AKAP6: variants seen among roughly 807,000 people sequenced by gnomAD.
The protein encoded by AKAP6 is A-kinase anchoring protein 6.
AKAP6 carries 58 observed loss-of-function variants against 188.5 expected under a neutral mutation model. The observed-to-expected ratio is 0.31, with a 90% CI of 0.25 to 0.38. The LOEUF is 0.38. Among genes scored for constraint, AKAP6 ranks in the 10% least tolerant of loss-of-function variants. The probability of loss-of-function intolerance (pLI) is 1.00; values close to 1 mark genes in which losing one functional copy is unlikely to be tolerated. For synonymous variants in AKAP6, 989 were observed against 998.6 expected (o/e 0.99, Z 0.18); for missense variants, 2,710 against 2,740.0 (o/e 0.99, Z 0.24).
At chr14:32,751,643 C>T (rs190214107) in intron 11 of AKAP6, among the ~76,000 whole-genome samples, 5 of 151,268 alleles carry the variant, frequency 3.3e-5, no homozygotes, top group East Asian at 3.9e-4. Flanking sequence ...TCCTGCTCTG[C>T]GCATATTGAA....
intron 1 of AKAP6, among the ~76,000 whole-genome samples, chr14:32,350,835 CAGAGGATGGTAGGATGAGAAGT>C (rs1217337666): frequency 6.6e-6 from 1 of 152,026 alleles, no homozygotes; most frequent in African/African-American, 2.4e-5. Context: ...TTTTAAAAAT[CAGAGGATGGTAGGATGAGAAGT>C]AGAACTTCTC....
At chr14:32,476,314 G>C (rs1479254481) in intron 2 of AKAP6, among the ~76,000 whole-genome samples, 2 of 152,152 alleles carry the variant, frequency 1.3e-5, no homozygotes, top group Non-Finnish European at 2.9e-5. Context: ...AGGCAAGGAG[G>C]ATGGATCTAT....
intron 1 of AKAP6, among the ~76,000 whole-genome samples, chr14:32,370,218 A>G (rs891071383): frequency 5.3e-5 from 8 of 152,234 alleles, no homozygotes; most frequent in African/African-American, 1.9e-4. Context: ...GACTGTCCAC[A>G]AATTAGCACA....
chr14:32,411,827 T>A (rs1393160839), intron 1 of AKAP6, among the ~76,000 whole-genome samples: 1 of 152,030 alleles, frequency 6.6e-6, no homozygotes, highest in African/African-American at 2.4e-5. Context: ...AGTGATATTT[T>A]TATGGGTTTT....
intron 1 of AKAP6, among the ~76,000 whole-genome samples, chr14:32,370,755 A>C (rs144083971): frequency 1.3e-5 from 2 of 152,322 alleles, no homozygotes; most frequent in African/African-American, 4.8e-5. Context: ...AAAAATGAGA[A>C]AATGATTAAA....
chr14:32,769,295 G>T (rs2032824281), intron 11 of AKAP6, among the ~76,000 whole-genome samples: 1 of 151,764 alleles, frequency 6.6e-6, no homozygotes, highest in Non-Finnish European at 1.5e-5. Context: ...TGATCCGCCT[G>T]CCTCCTCCTC....
intron 11 of AKAP6, among the ~76,000 whole-genome samples, chr14:32,743,538 G>GTT (rs1222028980): frequency 8.6e-5 from 13 of 151,982 alleles, no homozygotes; most frequent in East Asian, 5.8e-4. Flanking sequence ...ATCCATTTGT[G>GTT]TGTTTTTTGG....
rs75583802 is a variant in AKAP6 at position 32,503,811 on chromosome 14, G to A, written c.325-31743G>A. ...ATATATTTTAATATTTGCTAGACTA[G>A]GTTGCCCTTATTGCCCTTTTTTCAG... On this transcript the variant is annotated intron_variant, in intron 2 of 13. Transcript: ENST00000280979. Among the ~76,000 whole-genome samples, 122 of 151,902 alleles carry A rather than the reference G, an allele frequency of 8.0e-4. 3 individuals are homozygous for A. In the East Asian group the frequency reaches 0.022, roughly 27 times the overall value.
intron 1 of AKAP6, among the ~76,000 whole-genome samples, chr14:32,360,683 T>C (rs1887626169): frequency 6.6e-6 from 1 of 151,508 alleles, no homozygotes; most frequent in African/African-American, 2.4e-5. Flanking sequence ...TTTAATACAT[T>C]GCCCAGATTG....
rs1884312652 is a variant in AKAP6 at position 32,568,603 on chromosome 14, G to T, written c.2347-8517G>T. ...TATCCAGTGTCTTGGAGGATTGGGG[G>T]TGCTTGAAGCAAGGTCTCACCTAGA... On this transcript the variant is annotated intron_variant, in intron 4 of 13. Transcript: ENST00000280979. This position sits in a 1 kb window ranked among gnomAD's most constrained non-coding sequence, Gnocchi z 6.2. Among the ~76,000 whole-genome samples, 1 of 152,126 alleles carries T rather than the reference G, an allele frequency of 6.6e-6. No homozygotes were observed. Among genetic ancestry groups the T allele is most frequent in the Non-Finnish European group, 1.5e-5 (1 of 68,030 alleles).
In AKAP6 at chr14:32,452,108, A is replaced by T. The variant is rs562577390; in HGVS notation, c.324+18291A>T. Among the ~76,000 whole-genome samples, 20 of 128,864 alleles carry T rather than the reference A, an allele frequency of 1.6e-4. No individual in the cohort carries two copies. The Admixed American group carries it at 1.7e-3, about 11-fold the overall frequency. The allele number at this position is 128,864 out of a possible 152,430, so 84.5% of individuals were successfully genotyped here. A position where few individuals can be genotyped will look rare whatever the true frequency, so the allele number is the denominator to read the frequency against. On this transcript the variant is annotated intron_variant, in intron 2 of 13. Transcript: ENST00000280979. ...GCAATCACGGCTCACTGCAGCCTTC[A>T]CCTCTGGGGCTCCAGCAATCCTCCC... is the stretch of plus-strand genomic sequence containing the variant.
chr14:32,367,428 C>T (rs1283218796), intron 1 of AKAP6, among the ~76,000 whole-genome samples: 2 of 152,164 alleles, frequency 1.3e-5, no homozygotes, highest in Non-Finnish European at 2.9e-5. Context: ...AGTTTGTGAA[C>T]ATTAGCATTA....
chr14:32,533,817 C>T (rs955414044), intron 2 of AKAP6, among the ~76,000 whole-genome samples: 1 of 152,172 alleles, frequency 6.6e-6, no homozygotes, highest in Admixed American at 6.5e-5. Flanking sequence ...ACGAGCTAAT[C>T]TGGCTGTGAT....
At chr14:32,608,443 T>C (rs1180857388) in intron 7 of AKAP6, among the ~76,000 whole-genome samples, 2 of 144,480 alleles carry the variant, frequency 1.4e-5, no homozygotes, top group African/African-American at 5.2e-5. Flanking sequence ...GAGTTTGCAG[T>C]GAGCTGAGAT....
chr14:32,411,577 T>C (rs1184463126), intron 1 of AKAP6, among the ~76,000 whole-genome samples: 1 of 152,050 alleles, frequency 6.6e-6, no homozygotes, highest in Admixed American at 6.6e-5. Flanking sequence ...TTCCAGGTGA[T>C]TATCTTAGGT....
intron 7 of AKAP6, among the ~76,000 whole-genome samples, chr14:32,661,417 C>T (rs1351588243): frequency 3.9e-5 from 6 of 152,018 alleles, no homozygotes; most frequent in Admixed American, 1.3e-4. Context: ...TAACAGGGCA[C>T]GGTAATCAGA....
chr14:32,379,807 C>G (rs1339182223), intron 1 of AKAP6, among the ~76,000 whole-genome samples: 1 of 152,196 alleles, frequency 6.6e-6, no homozygotes, highest in African/African-American at 2.4e-5. Context: ...TAGCTTCCAT[C>G]TAGCCTGATA....
chr14:32,443,223 G>A (rs1594618903), intron 2 of AKAP6, among the ~76,000 whole-genome samples: 1 of 152,070 alleles, frequency 6.6e-6, no homozygotes, highest in South Asian at 2.1e-4. Context: ...GTGAAATCCT[G>A]TTTCTACTAA....
chr14:32,583,809 G>GT (rs1161244329), intron 5 of AKAP6, among the ~76,000 whole-genome samples: 1 of 152,158 alleles, frequency 6.6e-6, no homozygotes, highest in Non-Finnish European at 1.5e-5. Flanking sequence ...CCGGTGCGCC[G>GT]TTTTTTAAGC....
Sources: allele counts gnomAD v4.1 joint callset (sites outside exome capture counted in the v4.1 genomes callset), GRCh38; gene constraint gnomAD v4.1.1; non-coding constraint Gnocchi (gnomAD v3.1); transcripts MANE v1.5; gene names NCBI Gene and HGNC (gene_info 2026-07-23, HGNC 2026-07-21).